Variants in AFG2A observed in about 807,000 individuals in gnomAD.
AFG2A encodes AAA ATPase AFG2A, also known as ATPase family gene 2 protein homolog A.
the AFG2A span, among the ~76,000 whole-genome samples, chr4:123,170,726 A>G: frequency 6.6e-6 from 1 of 152,114 alleles, no homozygotes. Context: ...TTTTCCCCAG[A>G]GTGTTGACTT....
the AFG2A span, among the ~76,000 whole-genome samples, chr4:123,303,717 A>G: frequency 1.3e-5 from 2 of 152,044 alleles, no homozygotes; most frequent in South Asian, 2.1e-4. Flanking sequence ...CCCATGTTCA[A>G]ACTACTTCAT....
At chr4:123,260,905 G>A in the AFG2A span, among the ~76,000 whole-genome samples, 3 of 152,208 alleles carry the variant, frequency 2.0e-5, no homozygotes, top group African/African-American at 7.2e-5. Context: ...GTACTGCATA[G>A]CATGAGTGAG....
At chr4:123,143,674 T>G in the AFG2A span, among the ~76,000 whole-genome samples, 10 of 151,824 alleles carry the variant, frequency 6.6e-5, no homozygotes, top group African/African-American at 2.4e-4. Context: ...ACTAATAAAG[T>G]TAGTCTCCAA....
chr4:123,051,909 G>T, the AFG2A span, among the ~76,000 whole-genome samples: 1 of 151,886 alleles, frequency 6.6e-6, no homozygotes, highest in African/African-American at 2.4e-5. Context: ...TAAATCTTGG[G>T]TTGTTTCTTA....
At chr4:123,107,473 T>C in the AFG2A span, among the ~76,000 whole-genome samples, 3,287 of 152,138 alleles carry the variant, frequency 0.022, 66 homozygotes, top group Non-Finnish European at 0.035. Context: ...AGGGACAGAG[T>C]GCATGCTGAT....
chr4:122,947,564 T>C, the AFG2A span: 1 of 1,326,916 alleles, frequency 7.5e-7, no homozygotes. Flanking sequence ...TAATTTATAT[T>C]TTACAGATTT....
At chr4:123,084,445 G>A in the AFG2A span, among the ~76,000 whole-genome samples, 1 of 151,672 alleles carries the variant, frequency 6.6e-6, no homozygotes, top group Non-Finnish European at 1.5e-5. Context: ...TTTGCTTTAA[G>A]TACTGCTTTC....
the AFG2A span, chr4:123,315,377 T>TTTTTG: frequency 6.9e-6 from 1 of 145,022 alleles, no homozygotes. Flanking sequence ...TTTTTTTTTA[T>TTTTTG]TAGAGACAGG....
chr4:123,011,696 G>A, the AFG2A span, among the ~76,000 whole-genome samples: 1 of 152,206 alleles, frequency 6.6e-6, no homozygotes. Flanking sequence ...AAAATGCTTA[G>A]ATTTTAGATC....
the AFG2A span, chr4:122,935,770 A>G: frequency 8.7e-6 from 14 of 1,612,776 alleles, no homozygotes; most frequent in Non-Finnish European, 1.1e-5. Context: ...TGGAAAAACA[A>G]TGATCGCCAG....
At chr4:122,965,476 T>A in the AFG2A span, among the ~76,000 whole-genome samples, 1 of 152,206 alleles carries the variant, frequency 6.6e-6, no homozygotes, top group South Asian at 2.1e-4. Flanking sequence ...TGTGTTGACA[T>A]TTGGCTCTCT....
the AFG2A span, among the ~76,000 whole-genome samples, chr4:123,297,851 A>C: frequency 6.6e-6 from 1 of 152,158 alleles, no homozygotes; most frequent in African/African-American, 2.4e-5. Context: ...GCAATAGTAC[A>C]TTTTGAGGCA....
chr4:122,943,074 A>C, the AFG2A span, among the ~76,000 whole-genome samples: 7 of 152,156 alleles, frequency 4.6e-5, no homozygotes, highest in Non-Finnish European at 1.0e-4. Flanking sequence ...CAATTATGGA[A>C]TAGGTGTGGT....
chr4:123,225,303 G>A, the AFG2A span, among the ~76,000 whole-genome samples: 9 of 152,270 alleles, frequency 5.9e-5, no homozygotes, highest in East Asian at 1.5e-3. Flanking sequence ...TGTCCTGAAT[G>A]GTGTTGCCTA....
chr4:123,138,804 T>C, the AFG2A span, among the ~76,000 whole-genome samples: 3 of 152,108 alleles, frequency 2.0e-5, no homozygotes, highest in African/African-American at 7.2e-5. Flanking sequence ...AACCATACTT[T>C]ATACTATTAG....
At chr4:123,090,735 A>G in the AFG2A span, 1 of 1,595,082 alleles carries the variant, frequency 6.3e-7, no homozygotes, top group East Asian at 2.2e-5. Context: ...GGATATTATA[A>G]AATCAAGAAC....
chr4:122,963,539 A>G, the AFG2A span, among the ~76,000 whole-genome samples: 4 of 152,272 alleles, frequency 2.6e-5, no homozygotes, highest in South Asian at 6.2e-4. Flanking sequence ...TTTATTTTGT[A>G]GTTGAGGAAA....
the AFG2A span, among the ~76,000 whole-genome samples, chr4:123,068,209 A>G: frequency 6.6e-6 from 1 of 152,164 alleles, no homozygotes; most frequent in African/African-American, 2.4e-5. Context: ...TTGATTTCCT[A>G]GGATGTCAGT....
the AFG2A span, among the ~76,000 whole-genome samples, chr4:123,002,652 T>C: frequency 2.0e-5 from 3 of 152,240 alleles, no homozygotes; most frequent in African/African-American, 7.2e-5. Context: ...TTCTGGCTTG[T>C]AGAGTTTCTG....
Sources: gnomAD v4.1 joint callset for allele counts (sites outside exome capture counted in the v4.1 genomes callset) on GRCh38, gnomAD v4.1.1 for gene constraint, MANE v1.5 for transcripts, NCBI Gene and HGNC (gene_info 2026-07-23, HGNC 2026-07-21) for gene names.